ATG7: variants seen among roughly 807,000 people sequenced by gnomAD.
ATG7 encodes ubiquitin-like modifier-activating enzyme ATG7.
In ATG7, 70 loss-of-function variants were observed where a neutral mutation model predicts 82.4. The observed-to-expected ratio is 0.85, with a 90% CI of 0.70 to 1.04. The LOEUF is 1.04. Ranked by LOEUF, ATG7 falls within the 50% of genes least tolerant of loss-of-function variation. The pLI is 0.00. For missense variants in ATG7, 792 were observed against 864.3 expected (o/e 0.92, Z 1.05); for synonymous variants, 287 against 313.0 (o/e 0.92, Z 0.88).
intron 14 of ATG7, among the ~76,000 whole-genome samples, chr3:11,350,348 C>T (rs1206214104): frequency 1.3e-5 from 2 of 152,164 alleles, no homozygotes; most frequent in South Asian, 2.1e-4. Flanking sequence ...TATTGCATAT[C>T]ACACAATCCC....
chr3:11,457,482 A>G (rs1319461722), intron 20 of ATG7, among the ~76,000 whole-genome samples: 1 of 152,188 alleles, frequency 6.6e-6, no homozygotes, highest in African/African-American at 2.4e-5. Context: ...TTGATCTTTC[A>G]TGAGCCATTA....
At chr3:11,277,897 C>T (rs1193434523) in intron 1 of ATG7, among the ~76,000 whole-genome samples, 1 of 130,402 alleles carries the variant, frequency 7.7e-6, no homozygotes, top group Non-Finnish European at 1.6e-5. Flanking sequence ...ATAGACCCCC[C>T]CCCCCCCACC....
At chr3:11,472,968 C>G (rs768438035) in intron 20 of ATG7, among the ~76,000 whole-genome samples, 8 of 152,180 alleles carry the variant, frequency 5.3e-5, no homozygotes, top group Non-Finnish European at 8.8e-5. Context: ...AAAGCAAATG[C>G]ATTTTTCAGG....
At chr3:11,570,730 A>G in the ATG7 span, among the ~76,000 whole-genome samples, 1 of 152,190 alleles carries the variant, frequency 6.6e-6, no homozygotes, top group Non-Finnish European at 1.5e-5. Flanking sequence ...TGTTGGGCAT[A>G]AACAGTGGTG....
chr3:11,369,381 C>G (rs764449202), intron 18 of ATG7, among the ~76,000 whole-genome samples: 9 of 150,936 alleles, frequency 6.0e-5, no homozygotes, highest in Non-Finnish European at 1.3e-4. Flanking sequence ...TTCACTATAT[C>G]AAGTGCTATC....
chr3:11,465,983 G>A (rs1171928364), intron 20 of ATG7, among the ~76,000 whole-genome samples: 1 of 152,150 alleles, frequency 6.6e-6, no homozygotes, highest in Non-Finnish European at 1.5e-5. Context: ...TTTCATTTGT[G>A]TCTTTCACAG....
chr3:11,491,769 G>T (rs114677455), intron 20 of ATG7, among the ~76,000 whole-genome samples: 1 of 152,158 alleles, frequency 6.6e-6, no homozygotes, highest in African/African-American at 2.4e-5. Context: ...TACTAGCAGC[G>T]GTGTCTGCAG....
At chr3:11,453,801 A>G (rs2085431404) in intron 20 of ATG7, among the ~76,000 whole-genome samples, 1 of 150,976 alleles carries the variant, frequency 6.6e-6, no homozygotes. Context: ...ACCCTCAGTG[A>G]TGGGGGAGTG....
intron 19 of ATG7, among the ~76,000 whole-genome samples, chr3:11,383,779 G>A (rs959660901): frequency 2.0e-5 from 3 of 152,208 alleles, no homozygotes; most frequent in Non-Finnish European, 4.4e-5. Flanking sequence ...ACTTGCTGAA[G>A]TCTAGAATAA....
chr3:11,524,365 A>T (rs1357945221), intron 20 of ATG7, among the ~76,000 whole-genome samples: 7 of 152,230 alleles, frequency 4.6e-5, no homozygotes, highest in African/African-American at 1.7e-4. Context: ...CAACTGTGAA[A>T]TATTACAGAA....
At chr3:11,552,338 C>T (rs893748835) in intron 20 of ATG7, among the ~76,000 whole-genome samples, 8 of 152,156 alleles carry the variant, frequency 5.3e-5, no homozygotes, top group African/African-American at 1.7e-4. Flanking sequence ...TTGCCATACC[C>T]TTGTCGGCAC....
chr3:11,348,103 C>A, intron 14 of ATG7, 68 bp downstream of exon 14: 1 of 1,519,028 alleles, frequency 6.6e-7, no homozygotes, highest in Non-Finnish European at 8.9e-7. Flanking sequence ...GAAATGAGGC[C>A]TGTGGCATTG....
intron 14 of ATG7, among the ~76,000 whole-genome samples, chr3:11,350,781 A>G (rs1465570390): frequency 6.6e-6 from 1 of 151,978 alleles, no homozygotes; most frequent in Non-Finnish European, 1.5e-5. Flanking sequence ...GGAGGTGCCT[A>G]ATTGGGAAGA....
At chr3:11,274,764 A>G (rs796440506) in intron 1 of ATG7, among the ~76,000 whole-genome samples, 3 of 152,256 alleles carry the variant, frequency 2.0e-5, no homozygotes, top group African/African-American at 7.2e-5. Context: ...AGAAGGGGAA[A>G]TAAAAACTGT....
intron 20 of ATG7, among the ~76,000 whole-genome samples, chr3:11,433,289 T>TAAAAA (rs56859088): frequency 1.7e-4 from 14 of 83,810 alleles, no homozygotes; most frequent in Non-Finnish European, 2.5e-4. Flanking sequence ...GTCTCTTATT[T>TAAAAA]AAAAAAAAAA....
At chr3:11,520,912 G>A (rs2092424231) in intron 20 of ATG7, among the ~76,000 whole-genome samples, 1 of 152,156 alleles carries the variant, frequency 6.6e-6, no homozygotes, top group Non-Finnish European at 1.5e-5. Flanking sequence ...TCTCCATGGG[G>A]CCAACATTCT....
intron 11 of ATG7, among the ~76,000 whole-genome samples, chr3:11,337,924 C>G (rs1472544339): frequency 6.6e-6 from 1 of 151,950 alleles, no homozygotes; most frequent in African/African-American, 2.4e-5. Context: ...TTCTGTAGTT[C>G]TTGTCAAGTT....
At position 11,557,339 on chromosome 3, in the gene ATG7, T is replaced by TGTCA. The variant is rs1007036329; in HGVS notation, c.*2499_*2502dup. 2.5e-5 allele frequency: 3 copies of TGTCA among 119,980 alleles called. No individual in the cohort carries two copies. The highest frequency in any genetic ancestry group is 3.8e-4 in the East Asian group (2 of 5,326). 7.4% of individuals were successfully genotyped at this position (119,980 alleles called of 1,614,324 possible). On this transcript the variant is annotated 3_prime_UTR_variant, in exon 21 of 21. Coordinates refer to ENST00000693202, the MANE Select transcript of ATG7 (RefSeq NM_001349232.2). ...ATAAAACACCATATCACAGATTGTC[T>TGTCA]GTCAGTAATCTGCTGTTCAGCCAAG...
intron 1 of ATG7, among the ~76,000 whole-genome samples, chr3:11,275,788 C>T (rs1255651399): frequency 1.3e-5 from 2 of 152,156 alleles, no homozygotes; most frequent in Non-Finnish European, 2.9e-5. Flanking sequence ...ATGATCTTGG[C>T]AGACTGAGGA....
Sources: allele counts gnomAD v4.1 joint callset (sites outside exome capture counted in the v4.1 genomes callset), GRCh38; gene constraint gnomAD v4.1.1; transcripts MANE v1.5; gene names NCBI Gene and HGNC (gene_info 2026-07-23, HGNC 2026-07-21).